The following MEP1B variants were observed in gnomAD, a reference collection of about 807,000 sequenced individuals.
The protein encoded by MEP1B is N-benzoyl-L-tyrosyl-P-amino-benzoic acid hydrolase subunit beta.
Under a neutral mutation model 84.6 loss-of-function variants are expected in MEP1B, and 80 were observed. The observed-to-expected ratio is 0.95, with a 90% CI of 0.79 to 1.14. MEP1B has a LOEUF of 1.14. MEP1B is among the 50% of genes most tolerant of loss of function. The pLI is 0.00. For missense variants in MEP1B, 766 were observed against 855.1 expected (o/e 0.90, Z 1.30); for synonymous variants, 273 against 288.1 (o/e 0.95, Z 0.53).
rs1008288397 is a variant in MEP1B, at chr18:32,216,987, C to A, written c.1760-4C>A. On this transcript the variant is annotated splice_region_variant and splice_polypyrimidine_tract_variant and intron_variant, in intron 12 of 14. Transcript: ENST00000269202. The stretch of plus-strand genomic sequence containing the variant: ...TCCATCCACACTCTTCCCCATCTTC[C>A]TAGACATATCTCACCTCAACTCTAC... The A allele has an allele frequency of 2.5e-6, 4 of 1,613,542 alleles. No homozygotes were observed. Among genetic ancestry groups the A allele is most frequent in the Non-Finnish European group, 3.4e-6 (4 of 1,179,676 alleles).
At chr18:32,220,133 G>C in intron 14 of MEP1B, 98 bp from the exon 15 acceptor site, 1 of 1,151,054 alleles carries the variant, frequency 8.7e-7, no homozygotes, top group Non-Finnish European at 1.3e-6. Flanking sequence ...CTGCTGATGG[G>C]GACTTCATTT....
intron 5 of MEP1B, among the ~76,000 whole-genome samples, chr18:32,200,173 T>C (rs2040898221): frequency 6.6e-6 from 1 of 152,162 alleles, no homozygotes; most frequent in Non-Finnish European, 1.5e-5. Context: ...TTATATGTAA[T>C]AACATTTTTG....
rs1480475059 is a variant in MEP1B, at chr18:32,217,782, G to A, written c.1908G>A (p.Trp636Ter). 1.2e-6 allele frequency: 2 copies of A among 1,613,646 alleles called. No individual in the cohort carries two copies. The highest frequency in any genetic ancestry group is 2.2e-5 in the South Asian group (2 of 91,000). ...GCAGGTGCCAGTCAGGGGAAGACTG[G>A]TGGTACATGGGAGAAAGGTGTGAAA... ...AECRCQSGED[W>*]WYMGERCEKR... The change falls in exon 14 of 15, where the codon TGG (tryptophan) becomes TGA (stop). Residue 636 changes from tryptophan to a stop codon, truncating the protein, a stop_gained. Transcript: ENST00000269202. LOFTEE classifies it high-confidence loss of function.
intron 10 of MEP1B, among the ~76,000 whole-genome samples, chr18:32,211,032 G>A (rs1286142228): frequency 6.6e-6 from 1 of 152,188 alleles, no homozygotes; most frequent in Non-Finnish European, 1.5e-5. Flanking sequence ...GGGAGGCCGA[G>A]GCGGTCGGAT....
At chr18:32,218,002 T>C in intron 14 of MEP1B, 37 bp downstream of exon 14, 5 of 1,594,168 alleles carry the variant, frequency 3.1e-6, no homozygotes, top group South Asian at 1.1e-5. Context: ...TCATAACCTA[T>C]TGGTGAAATC....
chr18:32,216,899 AAAAAGAAACATT>A lies in MEP1B; in HGVS notation c.1760-83_1760-72del, dbSNP rs2041095817. The A allele has an allele frequency of 1.3e-5, 19 of 1,425,452 alleles. 1 individual carries two copies. The African/African-American group carries it at 1.7e-4, about 13-fold the overall frequency. 88.3% of individuals were successfully genotyped at this position (1,425,452 alleles called of 1,614,324 possible). A position where few individuals can be genotyped will look rare whatever the true frequency, so the allele number is the denominator to read the frequency against. On this transcript the variant is annotated intron_variant, in intron 12 of 14. Transcript: ENST00000269202. ...AAAAAAAGAAAGAAAGAAAAAAGGAAAAAAGAAACATTAAAAGAAAATGAAAATTAAAGATCA... is the reference window on the plus strand; with the variant it reads ...AAAAAAAGAAAGAAAGAAAAAAGGAAAAAAGAAAATGAAAATTAAAGATCA...
rs924812993 is a variant in MEP1B at position 32,204,282 on chromosome 18, G to A, written c.469G>A (p.Ala157Thr). ...AACAGTTCAACACGAGTTCCTCCACGCTCTGGGATTCTGGCATGAGCAGTC... is the reference window on the plus strand; with the variant it reads ...AACAGTTCAACACGAGTTCCTCCACACTCTGGGATTCTGGCATGAGCAGTC... ...IATVQHEFLH[A>T]LGFWHEQSRS... is the part of the protein sequence containing the mutation. The change falls in exon 7 of 15, where the codon GCT becomes ACT. Residue 157 changes from alanine to threonine, a missense_variant. Coordinates refer to ENST00000269202, the MANE Select transcript of MEP1B (RefSeq NM_005925.3). 8.7e-6 allele frequency: 14 copies of A among 1,603,550 alleles called. No individual in the cohort carries two copies. The highest frequency in any genetic ancestry group is 2.2e-5 in the East Asian group (1 of 44,656).
intron 5 of MEP1B, among the ~76,000 whole-genome samples, chr18:32,197,607 A>C (rs187476371): frequency 3.6e-4 from 55 of 152,138 alleles, no homozygotes; most frequent in African/African-American, 1.2e-3. Flanking sequence ...TTTAGTAGAG[A>C]TGGGCTTTCA....
At chr18:32,203,114 G>A (rs1192872759) in intron 6 of MEP1B, 104 bp downstream of exon 6, 9 of 626,780 alleles carry the variant, frequency 1.4e-5, no homozygotes, top group Non-Finnish European at 2.2e-5. Context: ...GGAAGGGGTG[G>A]GGACTTTCTT....
chr18:32,203,949 T>A (rs2040937978), intron 6 of MEP1B, among the ~76,000 whole-genome samples: 1 of 151,978 alleles, frequency 6.6e-6, no homozygotes, highest in Non-Finnish European at 1.5e-5. Flanking sequence ...CTCAAATACC[T>A]CCCATGAGGT....
In MEP1B at chr18:32,213,397, G is replaced by A. The variant is rs367637912; in HGVS notation, c.1417G>A (p.Ala473Thr). 1.2e-6 allele frequency: 2 copies of A among 1,613,874 alleles called. No individual in the cohort carries two copies. The highest frequency in any genetic ancestry group is 1.7e-5 in the Admixed American group (1 of 60,008). ...CTTAAATCTAGCCCATGTGACTAAT[G>A]CAGGGATATATTTCCACTTGATCTC... is the stretch of plus-strand genomic sequence containing the variant. ...IYLNLAHVTN[A>T]GIYFHLISGA... Residue 473 changes from alanine (A) to threonine (T), a missense_variant, in exon 11 of 15, where the codon GCA becomes ACA. Physicochemically the swap from Ala to Thr is moderately conservative, Grantham distance 58 (BLOSUM62 0). Transcript: ENST00000269202.
chr18:32,210,622 C>G lies in MEP1B; in HGVS notation c.1041C>G (p.Asn347Lys), dbSNP rs550099567. Residue 347 changes from asparagine to lysine, a missense_variant, in exon 10 of 15, where the codon AAC becomes AAG. Transcript: ENST00000269202. ...AGTGCCTGCAATTTTACTTATATAA[C>G]AGTGGCAGTGAAAGTGATCAACTGA... is the stretch of plus-strand genomic sequence containing the variant. ...GFQCLQFYLY[N>K]SGSESDQLNI... 7 of 1,613,988 alleles carry G rather than the reference C, an allele frequency of 4.3e-6. No individual in the cohort carries two copies. In the African/African-American group the frequency reaches 9.3e-5, roughly 22 times the overall value.
rs569011465 is a variant in MEP1B, at chr18:32,208,223, G to A, written c.871G>A (p.Val291Ile). The change falls in exon 9 of 15, where the codon GTT becomes ATT. Residue 291 changes from valine to isoleucine, a missense_variant. Coordinates refer to ENST00000269202, the MANE Select transcript of MEP1B (RefSeq NM_005925.3). ...DNADWQRVSQ[V>I]PRGPESDHSN... is the part of the protein sequence containing the mutation. ...TGCTGACTGGCAACGGGTTTCACAG[G>A]TTCCCAGGGGGCCAGAGAGTGATCA... 4.3e-6 allele frequency: 7 copies of A among 1,613,950 alleles called. No homozygotes were observed. Among genetic ancestry groups the A allele is most frequent in the Non-Finnish European group, 5.9e-6 (7 of 1,179,864 alleles).
rs367642657 is a variant in MEP1B at position 32,217,831 on chromosome 18, A to G, written c.1957A>G (p.Ile653Val). The G allele has an allele frequency of 6.2e-7, 1 of 1,613,888 alleles. No individual in the cohort carries two copies. The highest frequency in any genetic ancestry group is 8.5e-7 in the Non-Finnish European group (1 of 1,179,886). ...AAAGAGAGGCTCCACCCGAGACACC[A>G]TAGTCATTGCTGTTTCATCTACTGT... ...CEKRGSTRDTIVIAVSSTVAV... is the reference protein window; with the variant it reads ...CEKRGSTRDTVVIAVSSTVAV... The change falls in exon 14 of 15, where the codon ATA becomes GTA. Residue 653 changes from isoleucine (I) to valine (V), a missense_variant. Physicochemically the swap from Ile to Val is conservative, Grantham distance 29. Coordinates refer to ENST00000269202, the MANE Select transcript of MEP1B (RefSeq NM_005925.3).
At chr18:32,215,814 A>AC (rs1244501699) in intron 12 of MEP1B, among the ~76,000 whole-genome samples, 1 of 151,988 alleles carries the variant, frequency 6.6e-6, no homozygotes, top group African/African-American at 2.4e-5. Flanking sequence ...AAAGAGCGAG[A>AC]CTCCGTCTCA....
In MEP1B at chr18:32,220,371, A is replaced by C. The variant is rs1344562460; in HGVS notation, c.*126A>C. 1.1e-6 allele frequency: 1 copy of C among 872,798 alleles called. No homozygotes were observed. The highest frequency in any genetic ancestry group is 1.8e-6 in the Non-Finnish European group (1 of 559,636). The allele number at this position is 872,798 out of a possible 1,614,324, so 54.1% of individuals were successfully genotyped here. A position where few individuals can be genotyped will look rare whatever the true frequency, so the allele number is the denominator to read the frequency against. On this transcript the variant is annotated 3_prime_UTR_variant, in exon 15 of 15. Transcript: ENST00000269202. The stretch of plus-strand genomic sequence containing the variant: ...GGATATTTTTCTGTAAATAGCTGGA[A>C]ATATTATAAATCACTATTTTGGTCA...
chr18:32,208,252 C>T lies in MEP1B; in HGVS notation c.900C>T (p.Ser300=). The T allele has an allele frequency of 6.2e-7, 1 of 1,613,680 alleles. No individual in the cohort carries two copies. Among genetic ancestry groups the T allele is most frequent in the Non-Finnish European group, 8.5e-7 (1 of 1,179,748 alleles). ...CCAGGGGGCCAGAGAGTGATCACTCCAACATGGGCCAGTGCCAAGGTAACA... is the reference window on the plus strand; with the variant it reads ...CCAGGGGGCCAGAGAGTGATCACTCTAACATGGGCCAGTGCCAAGGTAACA... ...QVPRGPESDH[S]NMGQCQGSGF... is the part of the protein sequence containing the mutation. The change falls in exon 9 of 15, where the codon TCC becomes TCT. Residue 300 remains serine (S), a synonymous_variant. Coordinates refer to ENST00000269202, the MANE Select transcript of MEP1B (RefSeq NM_005925.3).
chr18:32,210,428 GCAC>G, intron 9 of MEP1B, 70 bp from the exon 10 acceptor site: 1 of 1,278,372 alleles, frequency 7.8e-7, no homozygotes. Flanking sequence ...AAAGAATCTA[GCAC>G]CACCATTAAC....
intron 12 of MEP1B, among the ~76,000 whole-genome samples, chr18:32,215,861 T>C (rs986984733): frequency 2.0e-5 from 3 of 151,858 alleles, no homozygotes; most frequent in African/African-American, 7.3e-5. Flanking sequence ...AGAACTATTA[T>C]ACCCTAGGAT....
Sources: gnomAD v4.1 joint callset for allele counts (sites outside exome capture counted in the v4.1 genomes callset) on GRCh38, gnomAD v4.1.1 for gene constraint, MANE v1.5 for transcripts, NCBI Gene and HGNC (gene_info 2026-07-23, HGNC 2026-07-21) for gene names.